Variants in TRAK1 observed in about 807,000 individuals in gnomAD.
The protein encoded by TRAK1 is trafficking kinesin-binding protein 1.
TRAK1 carries 33 observed loss-of-function variants against 92.1 expected under a neutral mutation model. The ratio of observed to expected loss-of-function variants is 0.36; its 90% CI spans 0.27 to 0.48. The LOEUF (loss-of-function observed/expected upper bound fraction) is 0.48, where lower values mean the gene tolerates loss of function less well. Among genes scored for constraint, TRAK1 ranks in the 20% least tolerant of loss-of-function variants. The pLI, the probability that TRAK1 is intolerant of heterozygous loss-of-function variation, is 0.99. For missense variants in TRAK1, 1,123 were observed against 1,257.9 expected (o/e 0.89, Z 1.62); for synonymous variants, 521 against 517.3 (o/e 1.01, Z -0.10).
rs908504339 is a variant in TRAK1, at chr3:42,202,874, C to T, written c.1744+122C>T. On this transcript the variant is annotated intron_variant, in intron 13 of 15. Transcript: ENST00000327628. The surrounding 1 kb of genome is among the most constrained non-coding windows in gnomAD (Gnocchi z 6.1). ...ACTCCTTTTTCTTCCGCGACAGCCACCCGCGCTGCTGGTTTGAGTTCCTCT... is the reference window on the plus strand; with the variant it reads ...ACTCCTTTTTCTTCCGCGACAGCCATCCGCGCTGCTGGTTTGAGTTCCTCT... 5 of 1,472,958 alleles carry T rather than the reference C, an allele frequency of 3.4e-6. No individual in the cohort carries two copies. Among genetic ancestry groups the T allele is most frequent in the Middle Eastern group, 1.8e-4 (1 of 5,682 alleles). The allele number at this position is 1,472,958 out of a possible 1,614,324, so 91.2% of individuals were successfully genotyped here.
At chr3:42,219,078 G>A (rs1710045138) in intron 14 of TRAK1, 4 of 985,382 alleles carry the variant, frequency 4.1e-6, no homozygotes, top group African/African-American at 1.7e-5. Flanking sequence ...CCCTTCCTCT[G>A]AGCAGAGCTT....
intron 14 of TRAK1, chr3:42,219,109 A>G (rs1710048268): frequency 5.1e-6 from 5 of 985,368 alleles, no homozygotes; most frequent in Non-Finnish European, 6.0e-6. Context: ...TGCCAATGCA[A>G]AGAAATGTAA....
intron 1 of TRAK1, among the ~76,000 whole-genome samples, chr3:42,057,114 C>T (rs1703233474): frequency 6.6e-6 from 1 of 152,160 alleles, no homozygotes; most frequent in African/African-American, 2.4e-5. Context: ...GGAACTAGGA[C>T]ACTGGTGCAT....
At chr3:42,206,089 T>G (rs1708303629) in intron 13 of TRAK1, among the ~76,000 whole-genome samples, 1 of 152,194 alleles carries the variant, frequency 6.6e-6, no homozygotes, top group South Asian at 2.1e-4. Flanking sequence ...AAGAAAGAGG[T>G]AACTTGGGCT....
intron 1 of TRAK1, among the ~76,000 whole-genome samples, chr3:42,027,081 T>C (rs1449698528): frequency 6.6e-6 from 1 of 152,204 alleles, no homozygotes; most frequent in Admixed American, 6.5e-5. Context: ...TCAAATTTGA[T>C]ATTTTGATAT....
intron 2 of TRAK1, among the ~76,000 whole-genome samples, chr3:42,160,817 T>A (rs1037512143): frequency 6.6e-6 from 1 of 152,192 alleles, no homozygotes; most frequent in African/African-American, 2.4e-5. Flanking sequence ...TGTGTCTGGC[T>A]TTTGTTGCTT....
chr3:42,191,236 A>G (rs1559903200), intron 6 of TRAK1, among the ~76,000 whole-genome samples: 1 of 152,212 alleles, frequency 6.6e-6, no homozygotes, highest in Non-Finnish European at 1.5e-5. Flanking sequence ...CAGGACAGCC[A>G]CAAATAACAG....
intron 15 of TRAK1, 91 bp downstream of exon 15, chr3:42,219,687 A>G (rs1710123760): frequency 6.9e-7 from 1 of 1,441,978 alleles, no homozygotes; most frequent in Admixed American, 1.8e-5. Flanking sequence ...AAAGCCAAGT[A>G]GAGAGGCTCA....
chr3:42,110,979 TAATC>T (rs1310480107), intron 1 of TRAK1, among the ~76,000 whole-genome samples: 5 of 152,180 alleles, frequency 3.3e-5, no homozygotes, highest in Admixed American at 1.3e-4. Flanking sequence ...AGACTGCTGG[TAATC>T]AATCACTAAA....
At chr3:42,057,740 T>A (rs1703256648) in intron 1 of TRAK1, among the ~76,000 whole-genome samples, 1 of 152,112 alleles carries the variant, frequency 6.6e-6, no homozygotes, top group Non-Finnish European at 1.5e-5. Context: ...ACTTAGATTC[T>A]GGGGTTGGCT....
chr3:42,038,753 A>G (rs1438933380), intron 1 of TRAK1, among the ~76,000 whole-genome samples: 2 of 143,280 alleles, frequency 1.4e-5, no homozygotes, highest in African/African-American at 5.2e-5. Context: ...GCGCCATTGC[A>G]CGCCAGCCTG....
upstream of TRAK1, among the ~76,000 whole-genome samples, chr3:42,086,117 G>A (rs1446838757): frequency 6.6e-6 from 1 of 152,176 alleles, no homozygotes; most frequent in Non-Finnish European, 1.5e-5. Context: ...GTGCAGGTGC[G>A]CTGGGAGTTG....
intron 2 of TRAK1, among the ~76,000 whole-genome samples, chr3:42,126,940 A>T (rs1295701285): frequency 6.6e-6 from 1 of 152,228 alleles, no homozygotes; most frequent in Non-Finnish European, 1.5e-5. Context: ...ATCAGTTTCA[A>T]TATGGATAAT....
chr3:42,139,138 A>G (rs1698354592), intron 2 of TRAK1, among the ~76,000 whole-genome samples: 1 of 152,146 alleles, frequency 6.6e-6, no homozygotes, highest in African/African-American at 2.4e-5. Context: ...ATGTATTTAT[A>G]AGTAGTTATC....
In TRAK1 at chr3:42,223,617, C is replaced by T. The variant is rs1206689450; in HGVS notation, c.2742C>T (p.Ile914=). The T allele has an allele frequency of 1.2e-6, 2 of 1,613,860 alleles. No homozygotes were observed. The highest frequency in any genetic ancestry group is 1.7e-6 in the Non-Finnish European group (2 of 1,180,016). ...GTGGGCTGCAGCTCAATAGTGGCAT[C>T]CGGCGGAATCGCAGCTTCCCCACCA... ...AIGGLQLNSG[I]RRNRSFPTMV... The change falls in exon 16 of 16, where the codon ATC becomes ATT. Residue 914 remains isoleucine, a synonymous_variant. Coordinates refer to ENST00000327628, the MANE Select transcript of TRAK1 (RefSeq NM_001042646.3). The surrounding 1 kb of genome is among the most constrained non-coding windows in gnomAD (Gnocchi z 6.1).
Position 42,180,591 on chromosome 3 carries a change from G to T in TRAK1, c.363+3701G>T, listed in dbSNP as rs559008130. Among the ~76,000 whole-genome samples, 13 of 150,088 alleles carry T rather than the reference G, an allele frequency of 8.7e-5. No individual in the cohort carries two copies. The South Asian group carries it at 2.7e-3, about 32-fold the overall frequency. The stretch of plus-strand genomic sequence containing the variant: ...GCTACTCAGAAAGTGAAGTGGGAGG[G>T]TTGCTTGAGCCCAGGAGTTTGAGGC... On this transcript the variant is annotated intron_variant, in intron 3 of 15. Transcript: ENST00000327628.
chr3:42,164,484 G>T (rs79112989), intron 2 of TRAK1, among the ~76,000 whole-genome samples: 9,158 of 152,296 alleles, frequency 0.06, 289 homozygotes, highest in Middle Eastern at 0.085. Flanking sequence ...TTGCACTTGT[G>T]TAGAGTCCCT....
intron 2 of TRAK1, among the ~76,000 whole-genome samples, chr3:42,144,964 T>C (rs1699148757): frequency 6.6e-6 from 1 of 152,210 alleles, no homozygotes; most frequent in South Asian, 2.1e-4. Flanking sequence ...TTTTTCTATG[T>C]CTATTATATT....
intron 1 of TRAK1, among the ~76,000 whole-genome samples, chr3:42,025,817 T>C (rs1701891771): frequency 6.6e-6 from 1 of 152,184 alleles, no homozygotes; most frequent in South Asian, 2.1e-4. Context: ...TTAGGGCTTT[T>C]AAAGTCCGTG....
Sources: gnomAD v4.1 joint callset for allele counts (sites outside exome capture counted in the v4.1 genomes callset) on GRCh38, gnomAD v4.1.1 for gene constraint, Gnocchi (gnomAD v3.1) non-coding constraint, MANE v1.5 for transcripts, NCBI Gene and HGNC (gene_info 2026-07-23, HGNC 2026-07-21) for gene names.